Variants in MTMR6 observed in about 807,000 individuals in gnomAD.
The protein encoded by MTMR6 is myotubularin related protein 6, also known as phosphatidylinositol-3,5-bisphosphate 3-phosphatase MTMR6.
In MTMR6, 47 loss-of-function variants were observed where a neutral mutation model predicts 80.1. The ratio of observed to expected loss-of-function variants is 0.59; its 90% CI spans 0.46 to 0.75. The LOEUF (loss-of-function observed/expected upper bound fraction) is 0.75, where lower values mean the gene tolerates loss of function less well. Ranked by LOEUF, MTMR6 falls within the 30% of genes least tolerant of loss-of-function variation. MTMR6 has a pLI of 0.00. For synonymous variants in MTMR6, 254 were observed against 253.0 expected, an observed-to-expected ratio of 1.00 and a Z score of -0.04; for missense variants, 629 against 730.9, an observed-to-expected ratio of 0.86 and a Z score of 1.61.
At chr13:25,270,224 G>A (rs1327531237) in intron 2 of MTMR6, among the ~76,000 whole-genome samples, 6 of 152,126 alleles carry the variant, frequency 3.9e-5, no homozygotes, top group Admixed American at 3.3e-4. Context: ...AGAAAATGAT[G>A]AAGAAACCTG....
chr13:25,278,528 CTGGCCAACA>C (rs1429248809), intron 1 of MTMR6, among the ~76,000 whole-genome samples: 1 of 152,026 alleles, frequency 6.6e-6, no homozygotes, highest in African/African-American at 2.4e-5. Context: ...CGAAACCAGC[CTGGCCAACA>C]TGGTGAAACC....
At chr13:25,267,626 T>C (rs374555212) in intron 3 of MTMR6, among the ~76,000 whole-genome samples, 153 bp downstream of exon 3, 3 of 152,188 alleles carry the variant, frequency 2.0e-5, no homozygotes, top group East Asian at 3.8e-4. Flanking sequence ...AGTTTCTAAT[T>C]ACTTTCAGGC....
chr13:25,258,450 T>G, intron 7 of MTMR6, 110 bp downstream of exon 7: 1 of 845,736 alleles, frequency 1.2e-6, no homozygotes, highest in Non-Finnish European at 1.7e-6. Flanking sequence ...TAATTTCACT[T>G]GTTTCTTTTT....
At chr13:25,281,751 A>G (rs2137634520) in intron 1 of MTMR6, among the ~76,000 whole-genome samples, 1 of 152,300 alleles carries the variant, frequency 6.6e-6, no homozygotes. Context: ...GCCAAGAATT[A>G]GCTTTCAAAA....
At chr13:25,250,205 T>A (rs1957055244) in intron 13 of MTMR6, among the ~76,000 whole-genome samples, 1 of 152,048 alleles carries the variant, frequency 6.6e-6, no homozygotes, top group African/African-American at 2.4e-5. Flanking sequence ...ATTTAAAAAA[T>A]ATATATATAC....
intron 1 of MTMR6, among the ~76,000 whole-genome samples, chr13:25,274,763 T>C (rs1957667456): frequency 6.6e-6 from 1 of 152,140 alleles, no homozygotes; most frequent in South Asian, 2.1e-4. Context: ...CTCACTAACA[T>C]CCTGCCTCCT....
chr13:25,258,901 A>G (rs1957274766), intron 6 of MTMR6, among the ~76,000 whole-genome samples: 2 of 152,210 alleles, frequency 1.3e-5, no homozygotes, highest in Non-Finnish European at 2.9e-5. Flanking sequence ...TACGATTGCT[A>G]TATAATGGAA....
Position 25,247,963 on chromosome 13 carries a change from A to T in MTMR6, c.*1269T>A, listed in dbSNP as rs1957015305. The T allele has an allele frequency of 6.6e-6, 1 of 152,092 alleles. No individual in the cohort carries two copies. The highest frequency in any genetic ancestry group is 2.4e-5 in the African/African-American group (1 of 41,440). The allele number at this position is 152,092 out of a possible 1,614,324, so 9.4% of individuals were successfully genotyped here. On this transcript the variant is annotated 3_prime_UTR_variant, in exon 14 of 14. Transcript: ENST00000381801. ...TCCAAGTGATAGTTTTGGGGTTTTT[A>T]TGTTTTGTTTCTTGTTTTTTGGTAA...
At chr13:25,265,978 T>C in intron 4 of MTMR6, 31 bp from the exon 5 acceptor site, 1 of 1,607,718 alleles carries the variant, frequency 6.2e-7, no homozygotes, top group Non-Finnish European at 8.5e-7. Context: ...ATAACCATTG[T>C]ATTCTTAGTT....
At position 25,260,911 on chromosome 13, in the gene MTMR6, A is replaced by G. The variant is rs191155970; in HGVS notation, c.726+757T>C. Among the ~76,000 whole-genome samples the G allele has an allele frequency of 7.8e-3, 1,182 of 152,222 alleles. 5 individuals are homozygous for G. Among genetic ancestry groups the G allele is most frequent in the African/African-American group, 8.9e-3 (368 of 41,548 alleles). ...AAAATTCTCTAGTTCAATGTTTCCTAAGTTAACTGTTTTCCTTATTTTCTT... is the reference window on the plus strand; with the variant it reads ...AAAATTCTCTAGTTCAATGTTTCCTGAGTTAACTGTTTTCCTTATTTTCTT... On this transcript the variant is annotated intron_variant, in intron 6 of 13. Coordinates refer to ENST00000381801, the MANE Select transcript of MTMR6 (RefSeq NM_004685.5).
chr13:25,260,499 G>A (rs1957309657), intron 6 of MTMR6: 1 of 563,666 alleles, frequency 1.8e-6, no homozygotes, highest in Non-Finnish European at 2.6e-6. Flanking sequence ...GCATAATGAT[G>A]AGAATCACTT....
chr13:25,271,383 G>C (rs550656114), intron 2 of MTMR6, among the ~76,000 whole-genome samples: 24 of 152,262 alleles, frequency 1.6e-4, no homozygotes, highest in African/African-American at 5.5e-4. Context: ...CCCTGACATA[G>C]TCACCCAAGC....
At chr13:25,260,826 A>C (rs1251981891) in intron 6 of MTMR6, 1 of 318,508 alleles carries the variant, frequency 3.1e-6, no homozygotes, top group Non-Finnish European at 5.0e-6. Context: ...CCCAATGATA[A>C]AAATTTGGCC....
intron 1 of MTMR6, among the ~76,000 whole-genome samples, chr13:25,285,921 T>G (rs1328474682): frequency 6.6e-6 from 1 of 152,194 alleles, no homozygotes; most frequent in Non-Finnish European, 1.5e-5. Flanking sequence ...GGAAGTCACG[T>G]GCACTTAGCT....
rs968297991 is a variant in MTMR6 at position 25,249,112 on chromosome 13, T to C, written c.*120A>G. On this transcript the variant is annotated 3_prime_UTR_variant, in exon 14 of 14. Transcript: ENST00000381801. ...TAGTTATTATCCTTCCTTCAACTATTAGCCTACTGTTAAACCCTAAAATTG... is the reference window on the plus strand; with the variant it reads ...TAGTTATTATCCTTCCTTCAACTATCAGCCTACTGTTAAACCCTAAAATTG... The C allele has an allele frequency of 7.1e-5, 72 of 1,017,050 alleles. No individual in the cohort carries two copies. The highest frequency in any genetic ancestry group is 9.7e-5 in the Non-Finnish European group (68 of 704,036). The allele number at this position is 1,017,050 out of a possible 1,614,324, so 63.0% of individuals were successfully genotyped here. A position where few individuals can be genotyped will look rare whatever the true frequency, so the allele number is the denominator to read the frequency against.
chr13:25,281,718 G>T (rs1401564767), intron 1 of MTMR6, among the ~76,000 whole-genome samples: 1 of 152,168 alleles, frequency 6.6e-6, no homozygotes, highest in Non-Finnish European at 1.5e-5. Flanking sequence ...AGGACTCTCA[G>T]AATCATTTCA....
At chr13:25,258,153 T>G (rs1957256188) in intron 7 of MTMR6, among the ~76,000 whole-genome samples, 1 of 152,216 alleles carries the variant, frequency 6.6e-6, no homozygotes, top group Non-Finnish European at 1.5e-5. Context: ...TGAACATTAC[T>G]ACAAATTAGT....
chr13:25,249,014 C>G lies in MTMR6; in HGVS notation c.*218G>C, dbSNP rs1957032514. 1.8e-6 allele frequency: 1 copy of G among 545,996 alleles called. No homozygotes were observed. Among genetic ancestry groups the G allele is most frequent in the Non-Finnish European group, 3.2e-6 (1 of 312,570 alleles). The allele number at this position is 545,996 out of a possible 1,614,324, so 33.8% of individuals were successfully genotyped here. A position where few individuals can be genotyped will look rare whatever the true frequency, so the allele number is the denominator to read the frequency against. On this transcript the variant is annotated 3_prime_UTR_variant, in exon 14 of 14. Coordinates refer to ENST00000381801, the MANE Select transcript of MTMR6 (RefSeq NM_004685.5). Reference sequence around the variant, plus strand: ...TTTTGAGTAAATACATCAAATACCACTCATTTCTTACAGAACTGAATGTCA... The same window carrying G: ...TTTTGAGTAAATACATCAAATACCAGTCATTTCTTACAGAACTGAATGTCA...
chr13:25,274,981 C>CACACACACACACACACAT (rs2137605643), intron 1 of MTMR6, among the ~76,000 whole-genome samples: 1 of 146,338 alleles, frequency 6.8e-6, no homozygotes, highest in Non-Finnish European at 1.5e-5. Context: ...CACACACACA[C>CACACACACACACACACAT]ACACACACAC....
Sources: allele counts gnomAD v4.1 joint callset (sites outside exome capture counted in the v4.1 genomes callset), GRCh38; gene constraint gnomAD v4.1.1; transcripts MANE v1.5; gene names NCBI Gene and HGNC (gene_info 2026-07-23, HGNC 2026-07-21).